The following HEATR6 variants were observed in gnomAD, a reference collection of about 807,000 sequenced individuals.
HEATR6 encodes HEAT repeat-containing protein 6.
HEATR6 carries 106 observed loss-of-function variants against 132.8 expected under a neutral mutation model. That is an observed-to-expected ratio of 0.80 (90% CI 0.68 to 0.94). The LOEUF (loss-of-function observed/expected upper bound fraction) is 0.94, where lower values mean the gene tolerates loss of function less well. HEATR6 is among the 40% of genes least tolerant of loss of function. The probability of loss-of-function intolerance (pLI) is 0.00; values close to 1 mark genes in which losing one functional copy is unlikely to be tolerated. For missense variants in HEATR6, 1,339 were observed against 1,425.1 expected (o/e 0.94, Z 0.97); for synonymous variants, 529 against 537.8 (o/e 0.98, Z 0.23).
rs1454982507 is a variant in HEATR6, at chr17:60,048,972, CATATATATATAATATATATATATATATAT to C, written c.2547+579_2548-585del. 2.8e-3 allele frequency among the ~76,000 whole-genome samples: 167 copies of C among 59,522 alleles called. 2 individuals are homozygous for C. Among genetic ancestry groups the C allele is most frequent in the Admixed American group, 5.8e-3 (28 of 4,824 alleles). 39.0% of individuals were successfully genotyped at this position (59,522 alleles called of 152,430 possible). On this transcript the variant is annotated intron_variant, in intron 16 of 19. Transcript: ENST00000184956. ...GTAATTAAAAATTAAAAATAAATAACATATATATATAATATATATATATATATATATATATATATATATATATGGTAATG... is the reference window on the plus strand; with the variant it reads ...GTAATTAAAAATTAAAAATAAATAACATATATATATATATATATGGTAATG...
At chr17:60,050,576 C>T (rs1906543630) in intron 15 of HEATR6, among the ~76,000 whole-genome samples, 3 of 152,132 alleles carry the variant, frequency 2.0e-5, no homozygotes, top group African/African-American at 7.2e-5. Context: ...ATGAAATCTT[C>T]CTGAAATCTC....
chr17:60,044,913 C>T (rs775664353), intron 19 of HEATR6, among the ~76,000 whole-genome samples: 6 of 152,242 alleles, frequency 3.9e-5, no homozygotes, highest in Non-Finnish European at 7.3e-5. Flanking sequence ...CAATCCGACC[C>T]GTCAGAGTCC....
rs1906559958 is a variant in HEATR6, at chr17:60,050,952, A to G, written c.2315T>C (p.Leu772Pro). The change falls in exon 15 of 20, where the codon CTG (leucine) becomes CCG (proline). Residue 772 changes from leucine to proline, a missense_variant. Transcript: ENST00000184956. Reference sequence around the variant, plus strand: ...CAGGGCTCTGGGTAAAGGACCGTTCAGCATCATAGTCCAGAACATCACCAC... The same window carrying G: ...CAGGGCTCTGGGTAAAGGACCGTTCGGCATCATAGTCCAGAACATCACCAC... ...FLVVMFWTMM[L>P]NGPLPRALQN... 1 of 1,614,212 alleles carries G rather than the reference A, an allele frequency of 6.2e-7. No individual in the cohort carries two copies. Among genetic ancestry groups the G allele is most frequent in the African/African-American group, 1.3e-5 (1 of 75,066 alleles).
chr17:60,050,594 T>C (rs1038880780), intron 15 of HEATR6, among the ~76,000 whole-genome samples: 10 of 152,170 alleles, frequency 6.6e-5, no homozygotes, highest in Admixed American at 2.0e-4. Flanking sequence ...CTCTCTGCCT[T>C]CCAAGCTTCT....
Position 60,073,681 on chromosome 17 carries a change from A to G in HEATR6, c.468+65T>C, listed in dbSNP as rs2083281596. The G allele has an allele frequency of 3.4e-6, 5 of 1,486,986 alleles. No homozygotes were observed. The South Asian group carries it at 6.1e-5, about 18-fold the overall frequency. 92.1% of individuals were successfully genotyped at this position (1,486,986 alleles called of 1,614,324 possible). On this transcript the variant is annotated intron_variant, in intron 3 of 19. Coordinates refer to ENST00000184956, the MANE Select transcript of HEATR6 (RefSeq NM_022070.5). ...TTAGTGGCAAGATAGAAACCTGAACACAGTGTTGGCACCAGAGTCTGTGCT... is the reference window on the plus strand; with the variant it reads ...TTAGTGGCAAGATAGAAACCTGAACGCAGTGTTGGCACCAGAGTCTGTGCT...
At chr17:60,050,813 T>C in intron 15 of HEATR6, 30 bp downstream of exon 15, 1 of 1,613,402 alleles carries the variant, frequency 6.2e-7, no homozygotes, top group Non-Finnish European at 8.5e-7. Context: ...CCAGCCATGA[T>C]TTAAGGGTGA....
chr17:60,078,121 G>A (rs1390813815), intron 1 of HEATR6, among the ~76,000 whole-genome samples: 1 of 152,196 alleles, frequency 6.6e-6, no homozygotes, highest in African/African-American at 2.4e-5. Context: ...GGGCCAGAAG[G>A]CCATGGTGTC....
At chr17:60,060,120 T>C (rs537949535) in intron 9 of HEATR6, 24 bp from the exon 10 acceptor site, 53 of 1,534,188 alleles carry the variant, frequency 3.5e-5, no homozygotes, top group Middle Eastern at 1.7e-4. Flanking sequence ...ATGATTCACA[T>C]TGATTAGTTG....
chr17:60,075,547 T>A (rs1257530511), intron 2 of HEATR6: 1 of 152,162 alleles, frequency 6.6e-6, no homozygotes, highest in Non-Finnish European at 1.5e-5. Flanking sequence ...CCAAGCTACT[T>A]CTTATATTTT....
At chr17:60,049,170 C>A (rs1365477584) in intron 16 of HEATR6, among the ~76,000 whole-genome samples, 1 of 137,126 alleles carries the variant, frequency 7.3e-6, no homozygotes, top group African/African-American at 3.1e-5. Context: ...GCTCTGCCAC[C>A]CAGGCTGGAG....
chr17:60,054,707 T>C (rs574198197), intron 14 of HEATR6, among the ~76,000 whole-genome samples: 6 of 152,382 alleles, frequency 3.9e-5, no homozygotes, highest in African/African-American at 1.4e-4. Context: ...CCATTGTATC[T>C]TAAAAATCAG....
rs1906862052 is a variant in HEATR6 at position 60,059,438 on chromosome 17, A to G, written c.1707T>C (p.Pro569=). 6.2e-7 allele frequency: 1 copy of G among 1,611,444 alleles called. No homozygotes were observed. Among genetic ancestry groups the G allele is most frequent in the Non-Finnish European group, 8.5e-7 (1 of 1,178,148 alleles). The change falls in exon 11 of 20, where the codon CCT becomes CCC. Residue 569 remains proline, a synonymous_variant. Coordinates refer to ENST00000184956, the MANE Select transcript of HEATR6 (RefSeq NM_022070.5). The stretch of plus-strand genomic sequence containing the variant: ...ACTACAAACCTTTGTGGCGAATATA[A>G]GGCTTTATCTGGTTCCAGACTTTGG... ...LLTKVWNQIK[P]YIRHKDVNVR... is the part of the protein sequence containing the mutation.
rs554912688 is a variant in HEATR6 at position 60,048,940 on chromosome 17, G to A, written c.2548-552C>T. On this transcript the variant is annotated intron_variant, in intron 16 of 19. Coordinates refer to ENST00000184956, the MANE Select transcript of HEATR6 (RefSeq NM_022070.5). ...TTGGGTGCCTAAGGTCCCAGGCTGT[G>A]TGCTAAGTAATTAAAAATTAAAAAT... Among the ~76,000 whole-genome samples, 5 of 138,140 alleles carry A rather than the reference G, an allele frequency of 3.6e-5. No homozygotes were observed. In the East Asian group the frequency reaches 8.2e-4, roughly 23 times the overall value. 90.6% of individuals were successfully genotyped at this position (138,140 alleles called of 152,430 possible).
Position 60,066,805 on chromosome 17 carries a change from G to A in HEATR6, c.1239-419C>T, listed in dbSNP as rs138821623. Among the ~76,000 whole-genome samples, 88 of 152,306 alleles carry A rather than the reference G, an allele frequency of 5.8e-4. 1 individual carries two copies. The highest frequency in any genetic ancestry group is 1.7e-3 in the South Asian group (8 of 4,828). ...CCCCAGCCTTGACAAGCTAGGCAGC[G>A]AGGGACAGTTAAGGAGATAACTATC... On this transcript the variant is annotated intron_variant, in intron 8 of 19. Transcript: ENST00000184956.
intron 9 of HEATR6, among the ~76,000 whole-genome samples, chr17:60,065,512 G>C (rs2083235774): frequency 1.3e-5 from 2 of 152,194 alleles, no homozygotes; most frequent in Admixed American, 1.3e-4. Context: ...ATTGTAAACA[G>C]CAGGCTATTT....
intron 16 of HEATR6, among the ~76,000 whole-genome samples, chr17:60,049,122 A>AGTGTGT (rs531092208): frequency 1.1e-3 from 147 of 134,844 alleles, no homozygotes; most frequent in East Asian, 1.3e-3. Flanking sequence ...AGAGACAGAG[A>AGTGTGT]GTGTGTGTGT....
chr17:60,047,165 C>G (rs987459135), intron 18 of HEATR6, 144 bp downstream of exon 18: 2 of 514,054 alleles, frequency 3.9e-6, no homozygotes, highest in African/African-American at 3.9e-5. Flanking sequence ...CATTTATACC[C>G]TGAGCACACC....
Position 60,067,429 on chromosome 17 carries a change from A to C in HEATR6, c.1238+5T>G. ...AGGTATAAAAATGTAACAAAATACT[A>C]CTACCTCATTTTACTCTGCATGCCT... On this transcript the variant is annotated splice_donor_5th_base_variant and intron_variant, in intron 8 of 19. Transcript: ENST00000184956. The C allele has an allele frequency of 6.6e-7, 1 of 1,519,404 alleles. No homozygotes were observed. The highest frequency in any genetic ancestry group is 8.8e-7 in the Non-Finnish European group (1 of 1,136,056). The allele number at this position is 1,519,404 out of a possible 1,614,324, so 94.1% of individuals were successfully genotyped here.
chr17:60,066,366 C>T lies in HEATR6; in HGVS notation c.1259G>A (p.Arg420His), dbSNP rs761792790. ...AAGAAAACAAACTAAGGCTCCTTGG[C>T]GAACTTTAGCTTGGTAAGACCTTTC... ...SKMRSYQAKV[R>H]QGALVCFLST... Residue 420 changes from arginine to histidine, a missense_variant, in exon 9 of 20, where the codon CGC (arginine) becomes CAC (histidine). By Grantham distance (29) the Arg-to-His change is conservative. Coordinates refer to ENST00000184956, the MANE Select transcript of HEATR6 (RefSeq NM_022070.5). 10 of 1,609,512 alleles carry T rather than the reference C, an allele frequency of 6.2e-6. No homozygotes were observed. The highest frequency in any genetic ancestry group is 8.5e-6 in the Non-Finnish European group (10 of 1,178,536).
Sources: gnomAD v4.1 joint callset for allele counts (sites outside exome capture counted in the v4.1 genomes callset) on GRCh38, gnomAD v4.1.1 for gene constraint, MANE v1.5 for transcripts, NCBI Gene and HGNC (gene_info 2026-07-23, HGNC 2026-07-21) for gene names.